The following KCNIP4 variants were observed in gnomAD, a reference collection of about 807,000 sequenced individuals.
KCNIP4 encodes Kv channel-interacting protein 4.
In KCNIP4, 12 loss-of-function variants were observed where a neutral mutation model predicts 34.0. The ratio of observed to expected loss-of-function variants is 0.35; its 90% CI spans 0.23 to 0.57. KCNIP4 has a LOEUF of 0.57. Among genes scored for constraint, KCNIP4 ranks in the 20% least tolerant of loss-of-function variants. The pLI, the probability that KCNIP4 is intolerant of heterozygous loss-of-function variation, is 0.83. For synonymous variants in KCNIP4, 124 were observed against 102.2 expected, an observed-to-expected ratio of 1.21 and a Z score of -1.29; for missense variants, 238 against 311.7, an observed-to-expected ratio of 0.76 and a Z score of 1.78.
At chr4:20,985,246 A>G (rs1736464305) in intron 1 of KCNIP4, among the ~76,000 whole-genome samples, 1 of 152,176 alleles carries the variant, frequency 6.6e-6, no homozygotes, top group Non-Finnish European at 1.5e-5. Flanking sequence ...GTCCTATTCT[A>G]TGCAGTCAAG....
At chr4:21,944,876 C>T (rs898653879) in intron 1 of KCNIP4, among the ~76,000 whole-genome samples, 9 of 151,896 alleles carry the variant, frequency 5.9e-5, no homozygotes, top group African/African-American at 2.2e-4. Context: ...GCTTCAATGC[C>T]CAAGGGTAAA....
At chr4:20,938,546 C>T (rs576108584) in intron 1 of KCNIP4, among the ~76,000 whole-genome samples, 27 of 152,262 alleles carry the variant, frequency 1.8e-4, no homozygotes, top group Non-Finnish European at 2.9e-4. Flanking sequence ...ATGTCTCTTA[C>T]GTGTACTGTT....
chr4:21,171,734 A>G (rs1489698199), intron 1 of KCNIP4, among the ~76,000 whole-genome samples: 1 of 152,160 alleles, frequency 6.6e-6, no homozygotes, highest in Non-Finnish European at 1.5e-5. Context: ...AGTCATAGTT[A>G]GCTCCATGTT....
At chr4:21,302,408 T>C (rs1361201919) in intron 1 of KCNIP4, among the ~76,000 whole-genome samples, 1 of 152,218 alleles carries the variant, frequency 6.6e-6, no homozygotes, top group Non-Finnish European at 1.5e-5. Flanking sequence ...GATTGTTCCA[T>C]GAATTGTCAG....
At chr4:21,151,112 A>C (rs1413381026) in intron 1 of KCNIP4, among the ~76,000 whole-genome samples, 1 of 152,218 alleles carries the variant, frequency 6.6e-6, no homozygotes, top group African/African-American at 2.4e-5. Flanking sequence ...TGTTTGCCAA[A>C]GGAAATACCT....
chr4:20,733,690 A>G (rs1748901731), intron 6 of KCNIP4, among the ~76,000 whole-genome samples: 1 of 152,202 alleles, frequency 6.6e-6, no homozygotes, highest in African/African-American at 2.4e-5. Flanking sequence ...GTATCTGGGT[A>G]ATAAATATTC....
At chr4:21,819,474 C>A (rs1722195763) in intron 1 of KCNIP4, among the ~76,000 whole-genome samples, 1 of 152,124 alleles carries the variant, frequency 6.6e-6, no homozygotes, top group Admixed American at 6.5e-5. Context: ...TGTTGTTTAT[C>A]TGTTTATTGT....
chr4:21,699,933 G>T (rs1434427551), intron 1 of KCNIP4, among the ~76,000 whole-genome samples: 1 of 152,130 alleles, frequency 6.6e-6, no homozygotes, highest in Non-Finnish European at 1.5e-5. Context: ...AACAATGGTG[G>T]CATGGCCTGG....
chr4:21,651,718 G>A (rs1011851877), intron 1 of KCNIP4, among the ~76,000 whole-genome samples: 2 of 152,142 alleles, frequency 1.3e-5, no homozygotes, highest in South Asian at 2.1e-4. Context: ...AAAACAGGAT[G>A]TCCTTAGAAT....
intron 1 of KCNIP4, among the ~76,000 whole-genome samples, chr4:21,050,020 G>A (rs996580067): frequency 2.0e-5 from 3 of 152,102 alleles, no homozygotes; most frequent in Non-Finnish European, 4.4e-5. Flanking sequence ...TATACTCATT[G>A]GTTTAAAAGT....
At chr4:21,465,528 C>T (rs1289438656) in intron 1 of KCNIP4, among the ~76,000 whole-genome samples, 1 of 152,098 alleles carries the variant, frequency 6.6e-6, no homozygotes, top group Admixed American at 6.5e-5. Flanking sequence ...GTTGCAACCT[C>T]CTACAATAAC....
At chr4:20,906,157 C>G (rs1670109320) in intron 1 of KCNIP4, among the ~76,000 whole-genome samples, 1 of 151,092 alleles carries the variant, frequency 6.6e-6, no homozygotes, top group Admixed American at 6.6e-5. Flanking sequence ...GTCGGGCAGC[C>G]TCCCAACAGG....
intron 1 of KCNIP4, among the ~76,000 whole-genome samples, chr4:21,333,844 A>T (rs563274112): frequency 6.6e-6 from 1 of 152,304 alleles, no homozygotes; most frequent in Admixed American, 6.5e-5. Context: ...GATAAGGATC[A>T]TGGCCAGTGG....
At chr4:20,850,491 C>T in intron 3 of KCNIP4, 52 bp downstream of exon 3, 1 of 1,586,922 alleles carries the variant, frequency 6.3e-7, no homozygotes, top group Non-Finnish European at 8.6e-7. Flanking sequence ...TCTCATTTCT[C>T]AATGCTCCTC....
intron 1 of KCNIP4, 63 bp downstream of exon 1, chr4:21,948,508 T>C: frequency 6.4e-7 from 1 of 1,559,760 alleles, no homozygotes; most frequent in Non-Finnish European, 8.7e-7. Context: ...GGGGCAGCCG[T>C]CTTGGCTCGC....
chr4:21,363,543 G>A (rs1719435508), intron 1 of KCNIP4, among the ~76,000 whole-genome samples: 1 of 152,130 alleles, frequency 6.6e-6, no homozygotes, highest in Non-Finnish European at 1.5e-5. Flanking sequence ...AATTTATAAT[G>A]TGCTTACAAA....
intron 1 of KCNIP4, among the ~76,000 whole-genome samples, chr4:21,481,206 C>T (rs28684641): frequency 0.022 from 3,302 of 152,198 alleles, 119 homozygotes; most frequent in East Asian, 0.12. Context: ...GCAGTGAGTT[C>T]AAGGGTTTTG....
At chr4:21,679,748 C>T (rs1306286192) in intron 1 of KCNIP4, among the ~76,000 whole-genome samples, 4 of 152,168 alleles carry the variant, frequency 2.6e-5, no homozygotes, top group African/African-American at 9.7e-5. Flanking sequence ...GTGAGTCATA[C>T]AAATTTCTTG....
chr4:21,370,376 T>C (rs1720220061), intron 1 of KCNIP4, among the ~76,000 whole-genome samples: 1 of 146,748 alleles, frequency 6.8e-6, no homozygotes, highest in South Asian at 2.1e-4. Flanking sequence ...GTACTGAAGG[T>C]GCATGGCTGT....
Sources: gnomAD v4.1 joint callset for allele counts (sites outside exome capture counted in the v4.1 genomes callset) on GRCh38, gnomAD v4.1.1 for gene constraint, MANE v1.5 for transcripts, NCBI Gene and HGNC (gene_info 2026-07-23, HGNC 2026-07-21) for gene names.